Variants in HABP4 observed in about 807,000 individuals in gnomAD.
HABP4 encodes hyaluronan binding protein 4.
A neutral mutation model predicts 44.1 loss-of-function variants in HABP4; 32 were observed. That is an observed-to-expected ratio of 0.73 (90% CI 0.55 to 0.97). The LOEUF (loss-of-function observed/expected upper bound fraction) is 0.97, where lower values mean the gene tolerates loss of function less well. Among genes scored for constraint, HABP4 ranks in the 50% least tolerant of loss-of-function variants. HABP4 has a pLI of 0.00. For missense variants in HABP4, 503 were observed against 561.9 expected, an observed-to-expected ratio of 0.90 and a Z score of 1.06; for synonymous variants, 216 against 218.0, an observed-to-expected ratio of 0.99 and a Z score of 0.08.
intron 4 of HABP4, among the ~76,000 whole-genome samples, chr9:96,469,772 C>T (rs191726205): frequency 7.6e-4 from 116 of 152,258 alleles, no homozygotes; most frequent in African/African-American, 2.5e-3. Context: ...CCTTCTGCCT[C>T]GGCCTCCCAA....
chr9:96,467,321 AC>A (rs142851160), intron 4 of HABP4, among the ~76,000 whole-genome samples: 3,669 of 152,284 alleles, frequency 0.024, 152 homozygotes, highest in African/African-American at 0.085. Flanking sequence ...TAGATTTACT[AC>A]CATTGCTCAT....
chr9:96,490,668 G>A lies in HABP4; in HGVS notation c.*630G>A, dbSNP rs1269546457. ...TAATGGTGATTTAAACTACCTCGTGGTTTCTGTGTGTGTGCACACACACAT... is the reference window on the plus strand; with the variant it reads ...TAATGGTGATTTAAACTACCTCGTGATTTCTGTGTGTGTGCACACACACAT... On this transcript the variant is annotated 3_prime_UTR_variant, in exon 8 of 8. Coordinates refer to ENST00000375249, the MANE Select transcript of HABP4 (RefSeq NM_014282.4). 6.6e-6 allele frequency: 1 copy of A among 152,216 alleles called. No homozygotes were observed. Among genetic ancestry groups the A allele is most frequent in the Non-Finnish European group, 1.5e-5 (1 of 68,074 alleles). 9.4% of individuals were successfully genotyped at this position (152,216 alleles called of 1,614,324 possible).
chr9:96,451,108 G>A (rs2131105367), intron 1 of HABP4, among the ~76,000 whole-genome samples: 1 of 152,242 alleles, frequency 6.6e-6, no homozygotes, highest in African/African-American at 2.4e-5. Context: ...CGACCGCGGG[G>A]CGGCCTGTGA....
chr9:96,461,104 A>G (rs1415655331), intron 2 of HABP4, among the ~76,000 whole-genome samples: 2 of 152,236 alleles, frequency 1.3e-5, no homozygotes, highest in African/African-American at 4.8e-5. Flanking sequence ...AGCCCATGAA[A>G]GTATGAATGA....
rs1445708539 is a variant in HABP4 at position 96,488,505 on chromosome 9, CAG to C, written c.1185+237_1185+238del. ...TCTGCTGTGAAGGCACTCCCGGGAT[CAG>C]AGAGAAACTCACTGTCACCCGCATT... On this transcript the variant is annotated intron_variant, in intron 7 of 7. Coordinates refer to ENST00000375249, the MANE Select transcript of HABP4 (RefSeq NM_014282.4). This position sits in a 1 kb window ranked among gnomAD's most constrained non-coding sequence, Gnocchi z 4.6. Among the ~76,000 whole-genome samples, 1 of 152,146 alleles carries C rather than the reference CAG, an allele frequency of 6.6e-6. No homozygotes were observed. The highest frequency in any genetic ancestry group is 1.9e-4 in the East Asian group (1 of 5,198).
intron 5 of HABP4, chr9:96,483,329 A>G (rs941881981): frequency 6.6e-6 from 1 of 151,128 alleles, no homozygotes; most frequent in Non-Finnish European, 1.5e-5. Context: ...GAGGGTGGTC[A>G]TTTGTCTCAA....
intron 5 of HABP4, among the ~76,000 whole-genome samples, chr9:96,478,197 A>T (rs1038439900): frequency 1.3e-5 from 2 of 151,790 alleles, no homozygotes; most frequent in African/African-American, 2.4e-5. Flanking sequence ...CAGTGGTGCA[A>T]TCTCGGCTCA....
chr9:96,468,227 C>T (rs749306938), intron 4 of HABP4, among the ~76,000 whole-genome samples: 7 of 151,420 alleles, frequency 4.6e-5, no homozygotes, highest in African/African-American at 4.9e-5. Flanking sequence ...GGACTACAGG[C>T]GCATGCCACC....
intron 5 of HABP4, among the ~76,000 whole-genome samples, chr9:96,482,635 C>G (rs1832898481): frequency 6.6e-6 from 1 of 152,134 alleles, no homozygotes; most frequent in Non-Finnish European, 1.5e-5. Context: ...AACCCCATGC[C>G]CATTCAGCAG....
In HABP4 at chr9:96,450,489, C is replaced by G. The variant is rs1397583172; in HGVS notation, c.210C>G (p.Arg70=). The G allele has an allele frequency of 2.1e-5, 25 of 1,213,090 alleles. No homozygotes were observed. The highest frequency in any genetic ancestry group is 4.4e-5 in the Admixed American group (1 of 22,628). The allele number at this position is 1,213,090 out of a possible 1,614,324, so 75.1% of individuals were successfully genotyped here. ...EAAAAAGAGP[R]GGRSPAGASG... ...CGGCGGCGGCCGGGGCCGGTCCCCGCGGCGGCAGGAGCCCAGCCGGGGCCT... is the reference window on the plus strand; with the variant it reads ...CGGCGGCGGCCGGGGCCGGTCCCCGGGGCGGCAGGAGCCCAGCCGGGGCCT... Residue 70 remains arginine (R), a synonymous_variant, in exon 1 of 8, where the codon CGC becomes CGG. Transcript: ENST00000375249. This position sits in a 1 kb window ranked among gnomAD's most constrained non-coding sequence, Gnocchi z 4.8.
At chr9:96,467,058 G>A (rs554786380) in intron 4 of HABP4, among the ~76,000 whole-genome samples, 3 of 152,020 alleles carry the variant, frequency 2.0e-5, no homozygotes, top group African/African-American at 7.2e-5. Context: ...AGGTAGGTGG[G>A]ACTACAGGTG....
In HABP4 at chr9:96,451,635, G is replaced by A. The variant is rs147900397; in HGVS notation, c.349+1007G>A. On this transcript the variant is annotated intron_variant, in intron 1 of 7. Transcript: ENST00000375249. The stretch of plus-strand genomic sequence containing the variant: ...GAAACGTCTCAGGTTTAAGTATTAG[G>A]GCTTTGATGTGCAGCTGGGTAATGT... 3.1e-4 allele frequency: 54 copies of A among 174,832 alleles called. No homozygotes were observed. In the East Asian group the frequency reaches 8.2e-3, roughly 27 times the overall value. The allele number at this position is 174,832 out of a possible 1,614,324, so 10.8% of individuals were successfully genotyped here.
chr9:96,482,189 C>T (rs180759987), intron 5 of HABP4, among the ~76,000 whole-genome samples: 1 of 152,294 alleles, frequency 6.6e-6, no homozygotes, highest in African/African-American at 2.4e-5. Context: ...CCGCCTGCCT[C>T]AGCCTCCCAA....
rs1236936449 is a variant in HABP4 at position 96,467,909 on chromosome 9, C to T, written c.743+2131C>T. Among the ~76,000 whole-genome samples, 4 of 152,272 alleles carry T rather than the reference C, an allele frequency of 2.6e-5. No individual in the cohort carries two copies. The East Asian group carries it at 7.7e-4, about 29-fold the overall frequency. On this transcript the variant is annotated intron_variant, in intron 4 of 7. Transcript: ENST00000375249. ...TTCAGTTTGCCTTTGAACTTAAAAT[C>T]ATTTTGGCTCTAAGTGGTTACTTAT...
At chr9:96,474,386 T>A (rs955773596) in intron 5 of HABP4, among the ~76,000 whole-genome samples, 1 of 152,216 alleles carries the variant, frequency 6.6e-6, no homozygotes, top group Non-Finnish European at 1.5e-5. Flanking sequence ...GGCAGAATAA[T>A]AGAGAGTAAA....
intron 5 of HABP4, among the ~76,000 whole-genome samples, chr9:96,480,536 A>G (rs1272423765): frequency 6.6e-6 from 1 of 152,232 alleles, no homozygotes; most frequent in Non-Finnish European, 1.5e-5. Flanking sequence ...TTTTATAGCG[A>G]ACATCTATAC....
At chr9:96,452,914 T>TG (rs1832310646) in intron 1 of HABP4, among the ~76,000 whole-genome samples, 3 of 89,738 alleles carry the variant, frequency 3.3e-5, no homozygotes, top group African/African-American at 1.3e-4. Context: ...GAAAAGGGTT[T>TG]TTTTTTTTTT....
intron 4 of HABP4, among the ~76,000 whole-genome samples, chr9:96,468,165 C>G (rs767725654): frequency 2.0e-5 from 3 of 152,066 alleles, no homozygotes; most frequent in Non-Finnish European, 4.4e-5. Flanking sequence ...TTACCATAAC[C>G]TTGAAACCCC....
intron 2 of HABP4, among the ~76,000 whole-genome samples, chr9:96,462,127 C>T (rs549755501): frequency 5.5e-4 from 80 of 144,734 alleles, no homozygotes; most frequent in Admixed American, 1.4e-3. Context: ...TCCTGTGTGA[C>T]ATAGTGAGAT....
Sources: allele counts gnomAD v4.1 joint callset (sites outside exome capture counted in the v4.1 genomes callset), GRCh38; gene constraint gnomAD v4.1.1; non-coding constraint Gnocchi (gnomAD v3.1); transcripts MANE v1.5; gene names NCBI Gene and HGNC (gene_info 2026-07-23, HGNC 2026-07-21).